The following GPC6 variants were observed in gnomAD, a reference collection of about 807,000 sequenced individuals.
GPC6 encodes glypican 6, also known as glypican-6.
GPC6 carries 14 observed loss-of-function variants against 55.2 expected under a neutral mutation model. The ratio of observed to expected loss-of-function variants is 0.25; its 90% CI spans 0.17 to 0.40. GPC6 has a LOEUF of 0.40. Among genes scored for constraint, GPC6 ranks in the 10% least tolerant of loss-of-function variants. The pLI is 1.00. For missense variants in GPC6, 641 were observed against 708.5 expected, an observed-to-expected ratio of 0.90 and a Z score of 1.08; for synonymous variants, 278 against 259.6, an observed-to-expected ratio of 1.07 and a Z score of -0.68.
intron 2 of GPC6, among the ~76,000 whole-genome samples, chr13:93,622,194 C>G (rs902073718): frequency 4.6e-5 from 7 of 152,114 alleles, no homozygotes; most frequent in African/African-American, 1.2e-4. Context: ...ATACCATGCT[C>G]AAAAATATGT....
Position 93,279,370 on chromosome 13 carries a change from G to A in GPC6, c.160+51754G>A, listed in dbSNP as rs1438913250. ...AGAAGACAGTAAGAAATGGTTTGTC[G>A]AGATATGTACATTGGGTTTGGAAAC... On this transcript the variant is annotated intron_variant, in intron 1 of 8. Transcript: ENST00000377047. Among the ~76,000 whole-genome samples the A allele has an allele frequency of 5.9e-5, 9 of 152,284 alleles. No homozygotes were observed. The East Asian group carries it at 9.7e-4, about 16-fold the overall frequency.
At chr13:94,277,588 A>G (rs1892253089) in intron 4 of GPC6, among the ~76,000 whole-genome samples, 1 of 152,136 alleles carries the variant, frequency 6.6e-6, no homozygotes, top group Non-Finnish European at 1.5e-5. Context: ...TCTTTAATCC[A>G]TCTTGAGTTA....
At chr13:93,807,182 C>A (rs147887170) in intron 2 of GPC6, among the ~76,000 whole-genome samples, 2 of 152,106 alleles carry the variant, frequency 1.3e-5, no homozygotes, top group Admixed American at 1.3e-4. Flanking sequence ...GCTCTTCTCC[C>A]GTTTCACTTC....
chr13:93,390,726 AAT>A (rs1435777167), intron 1 of GPC6, among the ~76,000 whole-genome samples: 3 of 152,038 alleles, frequency 2.0e-5, no homozygotes, highest in Admixed American at 2.0e-4. Context: ...ATGTGTCCAA[AAT>A]ATGTTTGTTA....
chr13:93,540,458 T>G (rs1331112565), intron 1 of GPC6, among the ~76,000 whole-genome samples: 4 of 152,126 alleles, frequency 2.6e-5, no homozygotes, highest in Non-Finnish European at 4.4e-5. Context: ...AATAATGCAT[T>G]TCCTCTTCTT....
intron 2 of GPC6, among the ~76,000 whole-genome samples, chr13:93,550,867 G>T (rs2139441640): frequency 6.6e-6 from 1 of 152,232 alleles, no homozygotes; most frequent in South Asian, 2.1e-4. Flanking sequence ...ACCAAGTATT[G>T]TTGTAGATTA....
chr13:94,136,804 G>T (rs550084868), intron 4 of GPC6, among the ~76,000 whole-genome samples: 2 of 152,210 alleles, frequency 1.3e-5, no homozygotes, highest in East Asian at 3.8e-4. Context: ...ATGAGATTGT[G>T]TTTCAGAATG....
At chr13:93,810,599 G>A (rs9524231) in intron 2 of GPC6, among the ~76,000 whole-genome samples, 45,409 of 151,982 alleles carry the variant, frequency 0.3, 6,912 homozygotes, top group African/African-American at 0.33. Context: ...GCTATGGCCC[G>A]TAATTAAATG....
chr13:94,385,019 C>A (rs1473990759), intron 7 of GPC6, among the ~76,000 whole-genome samples: 1 of 152,110 alleles, frequency 6.6e-6, no homozygotes, highest in Non-Finnish European at 1.5e-5. Flanking sequence ...GCAGGCAGAT[C>A]ACCTGAGGTC....
intron 3 of GPC6, among the ~76,000 whole-genome samples, chr13:93,892,812 G>T (rs1333089419): frequency 6.6e-6 from 1 of 152,050 alleles, no homozygotes; most frequent in Non-Finnish European, 1.5e-5. Flanking sequence ...CTGAAAATCT[G>T]CAGTGTTTCA....
At chr13:93,354,786 C>G (rs1263537236) in intron 1 of GPC6, among the ~76,000 whole-genome samples, 1 of 152,140 alleles carries the variant, frequency 6.6e-6, no homozygotes, top group Admixed American at 6.5e-5. Flanking sequence ...TGGCATTTCT[C>G]TGTCCAGCTG....
chr13:94,405,088 T>C lies in GPC6; in HGVS notation c.*1871T>C, dbSNP rs1223669761. The C allele has an allele frequency of 6.6e-6, 1 of 152,246 alleles. No homozygotes were observed. Among genetic ancestry groups the C allele is most frequent in the Non-Finnish European group, 1.5e-5 (1 of 68,042 alleles). The allele number at this position is 152,246 out of a possible 1,614,324, so 9.4% of individuals were successfully genotyped here. On this transcript the variant is annotated 3_prime_UTR_variant, in exon 9 of 9. Coordinates refer to ENST00000377047, the MANE Select transcript of GPC6 (RefSeq NM_005708.5). ...TTAGTTATTGATTTAGTCATCACATTTAAGTAGAACACATGTGGCACAATA... is the reference window on the plus strand; with the variant it reads ...TTAGTTATTGATTTAGTCATCACATCTAAGTAGAACACATGTGGCACAATA...
intron 2 of GPC6, among the ~76,000 whole-genome samples, chr13:93,651,335 C>T (rs953481110): frequency 6.6e-6 from 1 of 150,908 alleles, no homozygotes. Context: ...TACAACTTTT[C>T]TCTTTTTTTC....
intron 4 of GPC6, among the ~76,000 whole-genome samples, chr13:94,097,712 G>A (rs1183079833): frequency 6.6e-6 from 1 of 152,034 alleles, no homozygotes; most frequent in African/African-American, 2.4e-5. Flanking sequence ...CAACACAGTT[G>A]GGGAATAAAT....
chr13:93,696,291 A>G (rs555680798), intron 2 of GPC6, among the ~76,000 whole-genome samples: 2 of 152,272 alleles, frequency 1.3e-5, no homozygotes, highest in South Asian at 2.1e-4. Context: ...CAAACTTTGA[A>G]TATTTAGAGT....
Position 94,018,138 on chromosome 13 carries a change from G to A in GPC6, c.712-9591G>A, listed in dbSNP as rs1882548625. ...ATATTTTTATCATAAAAGTGTGGTG[G>A]ATTTCATTAAATTTCTTTTCTGCAT... is the stretch of plus-strand genomic sequence containing the variant. On this transcript the variant is annotated intron_variant, in intron 3 of 8. Transcript: ENST00000377047. Among the ~76,000 whole-genome samples the A allele has an allele frequency of 2.0e-5, 3 of 152,024 alleles. No individual in the cohort carries two copies. In the South Asian group the frequency reaches 6.2e-4, roughly 32 times the overall value.
chr13:93,422,591 A>G (rs7999194), intron 1 of GPC6, among the ~76,000 whole-genome samples: 3,437 of 152,238 alleles, frequency 0.023, 138 homozygotes, highest in African/African-American at 0.079. Context: ...CTTTGCGTAT[A>G]TTATTTGAAC....
intron 1 of GPC6, among the ~76,000 whole-genome samples, chr13:93,452,011 C>A (rs1163950585): frequency 2.0e-5 from 3 of 152,072 alleles, no homozygotes; most frequent in Admixed American, 6.5e-5. Context: ...CAAATGCTTT[C>A]TCTGGGTCGC....
At chr13:93,888,313 T>C (rs189338983) in intron 3 of GPC6, among the ~76,000 whole-genome samples, 110 of 152,276 alleles carry the variant, frequency 7.2e-4, no homozygotes, top group African/African-American at 1.9e-3. Context: ...TAAAGAAGCA[T>C]GTTTTTCATT....
Sources: allele counts gnomAD v4.1 joint callset (sites outside exome capture counted in the v4.1 genomes callset), GRCh38; gene constraint gnomAD v4.1.1; transcripts MANE v1.5; gene names NCBI Gene and HGNC (gene_info 2026-07-23, HGNC 2026-07-21).